The following CCL26 variants were observed in gnomAD, a reference collection of about 807,000 sequenced individuals.
The protein encoded by CCL26 is C-C motif chemokine ligand 26.
In CCL26, 10 loss-of-function variants were observed where a neutral mutation model predicts 10.7. The ratio of observed to expected loss-of-function variants is 0.93; its 90% CI spans 0.57 to 1.58. CCL26 has a LOEUF of 1.58. Ranked by LOEUF, CCL26 falls within the 40% of genes most tolerant of loss-of-function variation. The pLI is 0.00. For missense variants in CCL26, 116 were observed against 111.0 expected, an observed-to-expected ratio of 1.05 and a Z score of -0.20; for synonymous variants, 43 against 41.4, an observed-to-expected ratio of 1.04 and a Z score of -0.15.
chr7:75,769,886 T>C lies in CCL26; in HGVS notation c.189-97A>G, dbSNP rs181339884. ...AGGGGCAGCTCTCTCACTAGTCTTC[T>C]GGCCTTGCCACAAACTTGTTGCTCT... On this transcript the variant is annotated intron_variant, in intron 2 of 2. Transcript: ENST00000005180. 1.3e-3 allele frequency: 954 copies of C among 737,660 alleles called. 4 individuals carry two copies. Among genetic ancestry groups the C allele is most frequent in the Admixed American group, 2.5e-3 (115 of 45,582 alleles). The allele number at this position is 737,660 out of a possible 1,614,324, so 45.7% of individuals were successfully genotyped here.
intron 2 of CCL26, among the ~76,000 whole-genome samples, chr7:75,770,222 A>C (rs1802793050): frequency 6.6e-6 from 1 of 151,872 alleles, no homozygotes; most frequent in Non-Finnish European, 1.5e-5. Context: ...GGCACGCATC[A>C]GCACACCCAG....
intron 1 of CCL26, among the ~76,000 whole-genome samples, chr7:75,780,238 A>C (rs566120904): frequency 6.7e-6 from 1 of 149,300 alleles, no homozygotes; most frequent in East Asian, 2.0e-4. Flanking sequence ...GGAGGCAAGC[A>C]TTCCCCACCC....
At chr7:75,776,929 C>G (rs1230452890), upstream of CCL26, among the ~76,000 whole-genome samples, 2 of 152,044 alleles carry the variant, frequency 1.3e-5, no homozygotes, top group African/African-American at 4.8e-5. Flanking sequence ...TAGGCATGTA[C>G]CCGTCAGAAA....
chr7:75,777,381 A>G (rs1032533035), intron 1 of CCL26, among the ~76,000 whole-genome samples: 5 of 152,172 alleles, frequency 3.3e-5, no homozygotes, highest in South Asian at 4.1e-4. Context: ...ATTTAATAAC[A>G]TAATACAATA....
At chr7:75,773,203 AAT>A (rs555629442), upstream of CCL26, among the ~76,000 whole-genome samples, 1 of 151,566 alleles carries the variant, frequency 6.6e-6, no homozygotes, top group Non-Finnish European at 1.5e-5. Flanking sequence ...AACAACAAAT[AAT>A]ATATATATAT....
chr7:75,788,801 T>C (rs1803259115), intron 1 of CCL26, among the ~76,000 whole-genome samples: 1 of 151,716 alleles, frequency 6.6e-6, no homozygotes, highest in Non-Finnish European at 1.5e-5. Context: ...CTTAAAGCGG[T>C]TTCAAGGGGG....
At chr7:75,773,544 G>A (rs965930389), upstream of CCL26, among the ~76,000 whole-genome samples, 3 of 151,970 alleles carry the variant, frequency 2.0e-5, no homozygotes, top group Admixed American at 2.0e-4. Context: ...GAGCCACCAC[G>A]TCTGGCCATA....
chr7:75,772,016 G>C lies in CCL26; in HGVS notation c.74-13C>G. On this transcript the variant is annotated splice_polypyrimidine_tract_variant and intron_variant, in intron 1 of 2. Transcript: ENST00000005180. ...ATGTCACTCCCACCTAAAAATCAGG[G>C]AGAGGAAGGGTTTGGAGATACTCAT... The C allele has an allele frequency of 1.2e-6, 2 of 1,609,852 alleles. No homozygotes were observed. The highest frequency in any genetic ancestry group is 3.3e-4 in the Middle Eastern group (2 of 6,054).
At chr7:75,790,324 C>T (rs781941830), upstream of CCL26, among the ~76,000 whole-genome samples, 1 of 150,198 alleles carries the variant, frequency 6.7e-6, no homozygotes, top group Non-Finnish European at 1.5e-5. Flanking sequence ...ATCATAGCTC[C>T]CTGCAACCTC....
chr7:75,770,516 G>A (rs1802799307), intron 2 of CCL26, among the ~76,000 whole-genome samples: 1 of 151,924 alleles, frequency 6.6e-6, no homozygotes, highest in African/African-American at 2.4e-5. Flanking sequence ...CAAGTAGCTG[G>A]GATTACAGGC....
intron 1 of CCL26, among the ~76,000 whole-genome samples, chr7:75,779,974 T>A (rs1803024132): frequency 6.8e-6 from 1 of 148,002 alleles, no homozygotes; most frequent in Non-Finnish European, 1.5e-5. Flanking sequence ...CTCTCCACTT[T>A]CCTAGGGGAC....
At chr7:75,788,812 C>T (rs550170470) in intron 1 of CCL26, among the ~76,000 whole-genome samples, 16 of 151,804 alleles carry the variant, frequency 1.1e-4, no homozygotes, top group East Asian at 1.9e-4. Flanking sequence ...TTCAAGGGGG[C>T]GTTCTGGGGG....
chr7:75,770,994 T>C (rs1802809351), intron 2 of CCL26, among the ~76,000 whole-genome samples: 1 of 152,210 alleles, frequency 6.6e-6, no homozygotes, highest in Non-Finnish European at 1.5e-5. Flanking sequence ...AACTCGGTGA[T>C]GCAAAAGCTG....
chr7:75,778,160 C>T (rs1296014546), intron 1 of CCL26, among the ~76,000 whole-genome samples: 1 of 152,194 alleles, frequency 6.6e-6, no homozygotes, highest in East Asian at 1.9e-4. Flanking sequence ...TACATTCCCA[C>T]CAACAGAGTC....
chr7:75,777,114 T>C (rs1205478371), upstream of CCL26, among the ~76,000 whole-genome samples: 1 of 151,996 alleles, frequency 6.6e-6, no homozygotes, highest in Non-Finnish European at 1.5e-5. Context: ...CACCTGTAAT[T>C]TCAGCTACTC....
intron 1 of CCL26, among the ~76,000 whole-genome samples, chr7:75,783,379 C>A (rs1803109118): frequency 6.6e-6 from 1 of 152,128 alleles, no homozygotes; most frequent in African/African-American, 2.4e-5. Flanking sequence ...GAGCAGTTCC[C>A]CTAGGAGATC....
At chr7:75,791,114 C>A (rs1007252285), upstream of CCL26, among the ~76,000 whole-genome samples, 1 of 150,392 alleles carries the variant, frequency 6.6e-6, no homozygotes, top group Non-Finnish European at 1.5e-5. Flanking sequence ...GCAACTTCTG[C>A]CTCCCGGGTT....
intron 1 of CCL26, among the ~76,000 whole-genome samples, chr7:75,779,475 T>A (rs1256493274): frequency 6.6e-6 from 1 of 152,146 alleles, no homozygotes; most frequent in Non-Finnish European, 1.5e-5. Context: ...CTCTCTTTAC[T>A]CTCTTCTCCA....
At chr7:75,773,101 C>T (rs1370464596), upstream of CCL26, among the ~76,000 whole-genome samples, 3 of 152,086 alleles carry the variant, frequency 2.0e-5, no homozygotes, top group African/African-American at 7.2e-5. Context: ...AGGGCCAGGG[C>T]TGGCTGGGGG....
Sources: gnomAD v4.1 joint callset for allele counts (sites outside exome capture counted in the v4.1 genomes callset) on GRCh38, gnomAD v4.1.1 for gene constraint, MANE v1.5 for transcripts, NCBI Gene and HGNC (gene_info 2026-07-23, HGNC 2026-07-21) for gene names.